ZNF846: variants seen among roughly 807,000 people sequenced by gnomAD.
ZNF846 encodes zinc finger protein 846.
A neutral mutation model predicts 16.0 loss-of-function variants in ZNF846; 15 were observed. That is an observed-to-expected ratio of 0.94 (90% CI 0.63 to 1.45). ZNF846 has a LOEUF of 1.45. Ranked by LOEUF, ZNF846 falls within the 40% of genes most tolerant of loss-of-function variation. The pLI is 0.00. For synonymous variants in ZNF846, 229 were observed against 212.0 expected (o/e 1.08, Z -0.70); for missense variants, 714 against 622.3 (o/e 1.15, Z -1.57).
chr19:9,778,595 A>G (rs1001978658), intron 1 of ZNF846, among the ~76,000 whole-genome samples: 1 of 152,124 alleles, frequency 6.6e-6, no homozygotes, highest in Non-Finnish European at 1.5e-5. Context: ...ACCTGAGGTC[A>G]GGAGTTTGAG....
exon 6 of ZNF846, chr19:9,757,837 T>C: frequency 3.1e-6 from 5 of 1,613,250 alleles, no homozygotes; most frequent in African/African-American, 1.3e-5. Flanking sequence ...GTGTGAATCC[T>C]TACATGTTGA....
intron 1 of ZNF846, among the ~76,000 whole-genome samples, chr19:9,767,228 C>T (rs891766745): frequency 2.0e-5 from 3 of 151,856 alleles, no homozygotes; most frequent in African/African-American, 7.3e-5. Flanking sequence ...CTCTGCCTCC[C>T]GGGTTCAAGC....
chr19:9,753,182 G>T (rs2045101036), downstream of ZNF846, among the ~76,000 whole-genome samples: 1 of 151,402 alleles, frequency 6.6e-6, no homozygotes, highest in Non-Finnish European at 1.5e-5. Flanking sequence ...ATCACTTTGG[G>T]AGTTAAGATG....
chr19:9,756,341 G>GTGTGTGTA, downstream of ZNF846: 2 of 64,728 alleles, frequency 3.1e-5, 1 homozygote, highest in African/African-American at 1.8e-4. Context: ...GTGTGTGTGT[G>GTGTGTGTA]TGTGTATATA....
At chr19:9,752,528 T>C, downstream of ZNF846, 1 of 253,496 alleles carries the variant, frequency 3.9e-6, no homozygotes, top group Non-Finnish European at 8.5e-6. Flanking sequence ...AGCAGGAGAA[T>C]CACTTGAACC....
At chr19:9,758,231 A>G in exon 6 of ZNF846, 4 of 1,613,272 alleles carry the variant, frequency 2.5e-6, no homozygotes, top group Non-Finnish European at 3.4e-6. Context: ...CTTTACATTT[A>G]TATGGTTTTT....
intron 1 of ZNF846, among the ~76,000 whole-genome samples, chr19:9,780,073 T>G (rs1568330843): frequency 6.9e-6 from 1 of 145,604 alleles, no homozygotes; most frequent in Non-Finnish European, 1.5e-5. Flanking sequence ...TTTTTTTTTG[T>G]AGAGATGAGG....
At chr19:9,781,015 G>T (rs1461366849) in intron 1 of ZNF846, among the ~76,000 whole-genome samples, 1 of 152,218 alleles carries the variant, frequency 6.6e-6, no homozygotes, top group East Asian at 1.9e-4. Flanking sequence ...ATTAGGTTGA[G>T]AATTACTGAC....
intron 1 of ZNF846, among the ~76,000 whole-genome samples, chr19:9,779,573 T>A (rs1019911237): frequency 7.1e-6 from 1 of 141,776 alleles, no homozygotes; most frequent in African/African-American, 2.7e-5. Flanking sequence ...CCACCAGAAT[T>A]TTTTTTTTTT....
intron 1 of ZNF846, among the ~76,000 whole-genome samples, chr19:9,778,642 T>A (rs1260997935): frequency 2.0e-5 from 3 of 151,938 alleles, no homozygotes; most frequent in Non-Finnish European, 4.4e-5. Context: ...CTGTTTCTAC[T>A]AAAAATACAA....
At position 9,757,618 on chromosome 19, in the gene ZNF846, A is replaced by G. The variant is rs1009755090; in HGVS notation, c.1459T>C (p.Phe487Leu). 8 of 1,613,512 alleles carry G rather than the reference A, an allele frequency of 5.0e-6. No homozygotes were observed. Among genetic ancestry groups the G allele is most frequent in the Admixed American group, 3.3e-5 (2 of 59,978 alleles). The change falls in exon 6 of 6, where the codon TTC becomes CTC. Residue 487 changes from phenylalanine to leucine, a missense_variant. By Grantham distance (22) the Phe-to-Leu change is conservative. Transcript: ENST00000397902. Reference sequence around the variant, plus strand: ...ACGTTAAGGTATGTGGAATACCTGAAGGCTTTCCCACATTCTTTACATGCA... The same window carrying G: ...ACGTTAAGGTATGTGGAATACCTGAGGGCTTTCCCACATTCTTTACATGCA...
At chr19:9,766,138 G>C (rs1269554472) in intron 1 of ZNF846, among the ~76,000 whole-genome samples, 1 of 151,994 alleles carries the variant, frequency 6.6e-6, no homozygotes, top group Non-Finnish European at 1.5e-5. Context: ...ATGCCACAGA[G>C]GCTGGGCATG....
rs763792457 is a variant in ZNF846, at chr19:9,758,316, T to A, written c.761A>T (p.Tyr254Phe). 5 of 1,613,604 alleles carry A rather than the reference T, an allele frequency of 3.1e-6. No homozygotes were observed. The highest frequency in any genetic ancestry group is 4.2e-6 in the Non-Finnish European group (5 of 1,180,010). The change falls in exon 6 of 6, where the codon TAT becomes TTT. Residue 254 changes from tyrosine (Y) to phenylalanine (F), a missense_variant. Tyr to Phe is a conservative substitution (Grantham distance 22). Coordinates refer to ENST00000397902, the Ensembl canonical transcript of ZNF846. The stretch of plus-strand genomic sequence containing the variant: ...AGCTTTACCACATTCTTTACAGACA[T>A]AGGGCTTCTCTCCACTGTGAATTCT...
At position 9,774,976 on chromosome 19, in the gene ZNF846, G is replaced by C. The variant is rs1343798366; in HGVS notation, c.-85-9941C>G. 7 of 1,607,032 alleles carry C rather than the reference G, an allele frequency of 4.4e-6. No homozygotes were observed. In the East Asian group the frequency reaches 6.7e-5, roughly 15 times the overall value. On this transcript the variant is annotated intron_variant, in intron 1 of 4. Coordinates refer to the ZNF846 transcript ENST00000586814. The stretch of plus-strand genomic sequence containing the variant: ...TGTGGACTAAAATCTGCCACGATTG[G>C]TTCCAGCAAGTGTAAGCAGAGGCCC...
chr19:9,752,748 T>C (rs757668556), downstream of ZNF846, among the ~76,000 whole-genome samples: 1 of 152,138 alleles, frequency 6.6e-6, no homozygotes, highest in Non-Finnish European at 1.5e-5. Flanking sequence ...TTATTTAATT[T>C]ACATCCTTTC....
At chr19:9,777,417 A>C (rs1269697204) in intron 1 of ZNF846, among the ~76,000 whole-genome samples, 1 of 151,512 alleles carries the variant, frequency 6.6e-6, no homozygotes, top group African/African-American at 2.4e-5. Context: ...TCATGCCTGT[A>C]ATCCCAGCAC....
chr19:9,764,149 T>TGG (rs992945030), intron 2 of ZNF846, among the ~76,000 whole-genome samples: 27 of 152,268 alleles, frequency 1.8e-4, no homozygotes, highest in African/African-American at 6.5e-4. Context: ...AACAGATGCA[T>TGG]GGGGGGTGCC....
upstream of ZNF846, among the ~76,000 whole-genome samples, chr19:9,768,907 C>G (rs2045363189): frequency 6.6e-6 from 1 of 152,064 alleles, no homozygotes; most frequent in Non-Finnish European, 1.5e-5. Flanking sequence ...CCAGGTGGAC[C>G]AGGATCCAGA....
At chr19:9,762,124 G>T in exon 4 of ZNF846, 1 of 1,614,080 alleles carries the variant, frequency 6.2e-7, no homozygotes, top group Non-Finnish European at 8.5e-7. Context: ...TCTTCCATTT[G>T]TTCCAATCCA....
Sources: allele counts gnomAD v4.1 joint callset (sites outside exome capture counted in the v4.1 genomes callset), GRCh38; gene constraint gnomAD v4.1.1; transcripts MANE v1.5; gene names NCBI Gene and HGNC (gene_info 2026-07-23, HGNC 2026-07-21).